The following SEMA5A variants were observed in gnomAD, a reference collection of about 807,000 sequenced individuals.
The protein encoded by SEMA5A is semaphorin 5A.
A neutral mutation model predicts 135.5 loss-of-function variants in SEMA5A; 55 were observed. The ratio of observed to expected loss-of-function variants is 0.41; its 90% confidence interval spans 0.33 to 0.51. The LOEUF is 0.51. Ranked by LOEUF, SEMA5A falls within the 20% of genes least tolerant of loss-of-function variation. The pLI is 0.37. For synonymous variants in SEMA5A, 580 were observed against 546.5 expected (o/e 1.06, Z -0.85); for missense variants, 1,290 against 1,419.9 (o/e 0.91, Z 1.47).
chr5:9,224,185 C>G (rs1180910375), intron 8 of SEMA5A, among the ~76,000 whole-genome samples: 2 of 152,200 alleles, frequency 1.3e-5, no homozygotes, highest in Non-Finnish European at 2.9e-5. Context: ...ATGCCTACTA[C>G]TAACTTCTAA....
At chr5:9,408,985 C>T (rs1757004668) in intron 2 of SEMA5A, among the ~76,000 whole-genome samples, 1 of 152,250 alleles carries the variant, frequency 6.6e-6, no homozygotes, top group African/African-American at 2.4e-5. Context: ...GTTTAGACAT[C>T]ACTGTTTTTA....
intron 11 of SEMA5A, among the ~76,000 whole-genome samples, chr5:9,181,315 A>G (rs1560994662): frequency 1.3e-5 from 2 of 152,176 alleles, no homozygotes; most frequent in African/African-American, 2.4e-5. Flanking sequence ...TGTACTGAAA[A>G]CAGTCAAAAT....
intron 8 of SEMA5A, among the ~76,000 whole-genome samples, chr5:9,216,867 G>A (rs533845068): frequency 2.6e-5 from 4 of 152,096 alleles, no homozygotes; most frequent in Non-Finnish European, 5.9e-5. Flanking sequence ...TTGAGCCTAT[G>A]GGTGTCACTT....
chr5:9,446,795 A>T (rs934116575), intron 1 of SEMA5A, among the ~76,000 whole-genome samples: 3 of 152,192 alleles, frequency 2.0e-5, no homozygotes, highest in African/African-American at 7.2e-5. Flanking sequence ...TTAAGATTTA[A>T]CTCTTTAAAA....
chr5:9,168,335 G>C (rs1461211321), intron 11 of SEMA5A, among the ~76,000 whole-genome samples: 1 of 152,188 alleles, frequency 6.6e-6, no homozygotes, highest in African/African-American at 2.4e-5. Flanking sequence ...TAACTCAAAG[G>C]ATCTAGGATT....
chr5:9,495,688 C>T (rs1383518146), intron 1 of SEMA5A, among the ~76,000 whole-genome samples: 1 of 152,162 alleles, frequency 6.6e-6, no homozygotes, highest in Non-Finnish European at 1.5e-5. Context: ...ACTGGCGGGG[C>T]CTCCGGCTCC....
intron 3 of SEMA5A, among the ~76,000 whole-genome samples, chr5:9,362,199 C>T (rs370029846): frequency 7.2e-5 from 11 of 152,260 alleles, no homozygotes; most frequent in African/African-American, 2.4e-4. Context: ...CAGGCTCAAG[C>T]CTCACCTGCT....
At chr5:9,525,497 G>A (rs2126880844) in intron 1 of SEMA5A, among the ~76,000 whole-genome samples, 1 of 152,330 alleles carries the variant, frequency 6.6e-6, no homozygotes, top group African/African-American at 2.4e-5. Flanking sequence ...TTCAAGCTAA[G>A]GACAGAAGGG....
intron 20 of SEMA5A, among the ~76,000 whole-genome samples, chr5:9,051,448 A>G (rs1363325730): frequency 6.6e-6 from 1 of 152,206 alleles, no homozygotes; most frequent in Non-Finnish European, 1.5e-5. Flanking sequence ...ATAATGATGC[A>G]TTTCTACCTT....
At chr5:9,352,823 A>G (rs1461123262) in intron 3 of SEMA5A, among the ~76,000 whole-genome samples, 2 of 152,136 alleles carry the variant, frequency 1.3e-5, no homozygotes, top group South Asian at 2.1e-4. Context: ...CATTGTTTAC[A>G]TATGTTCTAT....
At chr5:9,338,533 T>A (rs572028168) in intron 3 of SEMA5A, among the ~76,000 whole-genome samples, 1 of 152,340 alleles carries the variant, frequency 6.6e-6, no homozygotes, top group Admixed American at 6.5e-5. Context: ...GCTGCTTCAA[T>A]GAGCCATTTT....
chr5:9,445,112 A>G (rs1017630638), intron 1 of SEMA5A, among the ~76,000 whole-genome samples: 1 of 152,140 alleles, frequency 6.6e-6, no homozygotes, highest in Non-Finnish European at 1.5e-5. Flanking sequence ...CTTACTTTCC[A>G]CATCAGCTTG....
chr5:9,491,096 T>C (rs1440786895), intron 1 of SEMA5A, among the ~76,000 whole-genome samples: 1 of 152,060 alleles, frequency 6.6e-6, no homozygotes, highest in Non-Finnish European at 1.5e-5. Context: ...CTCAGATGTC[T>C]ATAGAATGTG....
intron 2 of SEMA5A, among the ~76,000 whole-genome samples, chr5:9,385,557 TAG>T (rs1483118960): frequency 6.6e-6 from 1 of 152,102 alleles, no homozygotes; most frequent in East Asian, 1.9e-4. Flanking sequence ...TTGATGGCAT[TAG>T]AGACTTGCTT....
chr5:9,201,888 C>G, intron 9 of SEMA5A, 67 bp downstream of exon 9: 1 of 1,458,238 alleles, frequency 6.9e-7, no homozygotes, highest in Non-Finnish European at 9.3e-7. Context: ...CCTCAGAGGT[C>G]AAAGAACAGA....
intron 1 of SEMA5A, among the ~76,000 whole-genome samples, chr5:9,452,344 A>G (rs1415451910): frequency 6.6e-6 from 1 of 152,138 alleles, no homozygotes; most frequent in African/African-American, 2.4e-5. Context: ...TGCTTCCCGG[A>G]GCTGAAGCTG....
intron 3 of SEMA5A, among the ~76,000 whole-genome samples, chr5:9,344,912 G>C (rs1456666485): frequency 6.6e-6 from 1 of 152,144 alleles, no homozygotes; most frequent in Non-Finnish European, 1.5e-5. Context: ...GAGGGCAGGT[G>C]TGTTACACCA....
At chr5:9,338,956 G>A (rs1753520714) in intron 3 of SEMA5A, among the ~76,000 whole-genome samples, 1 of 152,122 alleles carries the variant, frequency 6.6e-6, no homozygotes, top group Admixed American at 6.5e-5. Context: ...ACAGTTACGA[G>A]GGGGAAGTGA....
intron 5 of SEMA5A, among the ~76,000 whole-genome samples, chr5:9,294,934 T>C (rs1039552771): frequency 2.6e-5 from 4 of 152,128 alleles, no homozygotes; most frequent in Non-Finnish European, 2.9e-5. Context: ...AAAGTCCCAC[T>C]GTAATCCTCA....
Sources: gnomAD v4.1 joint callset for allele counts (sites outside exome capture counted in the v4.1 genomes callset) on GRCh38, gnomAD v4.1.1 for gene constraint, MANE v1.5 for transcripts, NCBI Gene and HGNC (gene_info 2026-07-23, HGNC 2026-07-21) for gene names.